The following SLC6A11 variants were observed in gnomAD, a reference collection of about 807,000 sequenced individuals.
The protein encoded by SLC6A11 is solute carrier family 6 member 11.
Under a neutral mutation model 74.8 loss-of-function variants are expected in SLC6A11, and 25 were observed. The observed-to-expected ratio is 0.33, with a 90% confidence interval of 0.24 to 0.47. The LOEUF is 0.47. Among genes scored for constraint, SLC6A11 ranks in the 20% least tolerant of loss-of-function variants. The pLI, the probability that SLC6A11 is intolerant of heterozygous loss-of-function variation, is 1.00. For synonymous variants in SLC6A11, 330 were observed against 330.2 expected (o/e 1.00, Z 0.01); for missense variants, 574 against 837.0 (o/e 0.69, Z 3.88).
Position 10,896,378 on chromosome 3 carries a change from C to A in SLC6A11, c.892-15712C>A, listed in dbSNP as rs113699755. Among the ~76,000 whole-genome samples, 477 of 152,352 alleles carry A rather than the reference C, an allele frequency of 3.1e-3. 5 individuals are homozygous for A. Among genetic ancestry groups the A allele is most frequent in the African/African-American group, 0.011 (462 of 41,580 alleles). On this transcript the variant is annotated intron_variant, in intron 6 of 13. Coordinates refer to ENST00000254488, the MANE Select transcript of SLC6A11 (RefSeq NM_014229.3). ...TACTGTGAGCCAGGTGCTCTGTGCA[C>A]ACTCTACAAACCTAGTCTCATTTTG...
rs767646133 is a variant in SLC6A11 at position 10,875,033 on chromosome 3, G to A, written c.829G>A (p.Gly277Arg). The A allele has an allele frequency of 5.0e-6, 8 of 1,612,952 alleles. No homozygotes were observed. Among genetic ancestry groups the A allele is most frequent in the African/African-American group, 1.3e-5 (1 of 74,834 alleles). Reference protein sequence around the residue: ...ILLIRGVTLPGASEGIKFYLY... With the variant: ...ILLIRGVTLPRASEGIKFYLY... ...CCTGATACGAGGGGTCACGTTGCCC[G>A]GGGCCTCAGAGGGCATCAAGTTCTA... The change falls in exon 6 of 14, where the codon GGG becomes AGG. Residue 277 changes from glycine (G) to arginine (R), a missense_variant. Gly to Arg is a moderately radical substitution (Grantham distance 125). This residue lies in a region of SLC6A11 where 215 missense variants were observed against 357.9 expected (regional missense o/e 0.60). Transcript: ENST00000254488.
At chr3:10,898,977 G>A (rs1695204213) in intron 6 of SLC6A11, among the ~76,000 whole-genome samples, 3 of 152,228 alleles carry the variant, frequency 2.0e-5, no homozygotes, top group Admixed American at 2.0e-4. Flanking sequence ...TCACATGGTG[G>A]CGGCAAGAGA....
At chr3:10,899,040 A>T (rs1264927067) in intron 6 of SLC6A11, among the ~76,000 whole-genome samples, 1 of 152,072 alleles carries the variant, frequency 6.6e-6, no homozygotes, top group African/African-American at 2.4e-5. Context: ...ATCAGATCTC[A>T]TGAGATTTAT....
intron 8 of SLC6A11, among the ~76,000 whole-genome samples, chr3:10,925,464 G>A (rs1695590843): frequency 6.6e-6 from 1 of 151,900 alleles, no homozygotes; most frequent in African/African-American, 2.4e-5. Context: ...AGTTCATCCC[G>A]AGGACACGTT....
At chr3:10,888,808 T>G (rs1045771849) in intron 6 of SLC6A11, among the ~76,000 whole-genome samples, 84 of 152,248 alleles carry the variant, frequency 5.5e-4, no homozygotes, top group Non-Finnish European at 4.9e-4. Context: ...TTTGTTAGAA[T>G]GCCCACCTTA....
rs3774103 is a variant in SLC6A11 at position 10,888,063 on chromosome 3, A to C, written c.891+12968A>C. Among the ~76,000 whole-genome samples the C allele has an allele frequency of 5.3e-5, 8 of 152,336 alleles. 1 individual carries two copies. The East Asian group carries it at 1.4e-3, about 26-fold the overall frequency. On this transcript the variant is annotated intron_variant, in intron 6 of 13. Coordinates refer to ENST00000254488, the MANE Select transcript of SLC6A11 (RefSeq NM_014229.3). ...GTAATTTCAGAAGATTACTCAGATAAGAGAGAGGCTCAGCAAAGCTCATCA... is the reference window on the plus strand; with the variant it reads ...GTAATTTCAGAAGATTACTCAGATACGAGAGAGGCTCAGCAAAGCTCATCA...
chr3:10,859,327 T>A (rs554776250), intron 5 of SLC6A11, among the ~76,000 whole-genome samples: 1 of 152,164 alleles, frequency 6.6e-6, no homozygotes, highest in Non-Finnish European at 1.5e-5. Context: ...CTGGCTTGAG[T>A]GCCCAGTGCT....
At chr3:10,855,795 C>T (rs564240903) in intron 5 of SLC6A11, among the ~76,000 whole-genome samples, 6 of 152,290 alleles carry the variant, frequency 3.9e-5, no homozygotes, top group East Asian at 3.9e-4. Context: ...GTTAATTTCC[C>T]GGAAGCAGGA....
Position 10,918,540 on chromosome 3 carries a change from C to A in SLC6A11, c.1120+87C>A. 1 of 1,446,794 alleles carries A rather than the reference C, an allele frequency of 6.9e-7. No homozygotes were observed. Among genetic ancestry groups the A allele is most frequent in the Non-Finnish European group, 9.3e-7 (1 of 1,072,608 alleles). 89.6% of individuals were successfully genotyped at this position (1,446,794 alleles called of 1,614,324 possible). Reference sequence around the variant, plus strand: ...ATGGAAATGCGATCTTCCTCCTCGGCTCACACATCTCCTGGATTCAGGCCT... The same window carrying A: ...ATGGAAATGCGATCTTCCTCCTCGGATCACACATCTCCTGGATTCAGGCCT... On this transcript the variant is annotated intron_variant, in intron 8 of 13. Coordinates refer to ENST00000254488, the MANE Select transcript of SLC6A11 (RefSeq NM_014229.3). This position sits in a 1 kb window ranked among gnomAD's most constrained non-coding sequence, Gnocchi z 4.5.
intron 4 of SLC6A11, among the ~76,000 whole-genome samples, chr3:10,843,134 C>T (rs927442263): frequency 3.3e-5 from 5 of 152,036 alleles, no homozygotes; most frequent in African/African-American, 7.2e-5. Flanking sequence ...CAATATGGAG[C>T]GTGGCGAGTT....
chr3:10,922,982 G>C (rs1365518760), intron 8 of SLC6A11, among the ~76,000 whole-genome samples: 3 of 152,054 alleles, frequency 2.0e-5, no homozygotes, highest in Admixed American at 1.3e-4. Context: ...TAGATAATTA[G>C]TCAGATTTTT....
intron 4 of SLC6A11, among the ~76,000 whole-genome samples, chr3:10,840,393 C>T (rs1313139279): frequency 1.3e-5 from 2 of 152,180 alleles, no homozygotes; most frequent in African/African-American, 4.8e-5. Flanking sequence ...GCACAAGGGT[C>T]TCCTGCTATG....
intron 6 of SLC6A11, among the ~76,000 whole-genome samples, chr3:10,909,109 CA>C (rs34230224): frequency 2.3e-3 from 244 of 104,010 alleles, no homozygotes; most frequent in Non-Finnish European, 2.7e-3. Context: ...ACATCCCCAG[CA>C]AAAAAAAAAA....
At chr3:10,849,914 G>C (rs1694552750) in intron 5 of SLC6A11, among the ~76,000 whole-genome samples, 1 of 151,194 alleles carries the variant, frequency 6.6e-6, no homozygotes, top group African/African-American at 2.4e-5. Context: ...TGTGGTTTTA[G>C]GGCCAAATCC....
chr3:10,928,573 A>G (rs755892400), intron 9 of SLC6A11, among the ~76,000 whole-genome samples: 1 of 152,202 alleles, frequency 6.6e-6, no homozygotes, highest in African/African-American at 2.4e-5. Flanking sequence ...ACAGATGCTT[A>G]GTGGCTCAGA....
intron 5 of SLC6A11, among the ~76,000 whole-genome samples, chr3:10,862,453 G>A (rs3774113): frequency 9.2e-5 from 14 of 152,052 alleles, no homozygotes; most frequent in Admixed American, 3.9e-4. Context: ...CTCCCTCATC[G>A]AGTGAATTTT....
chr3:10,883,427 G>A (rs934289709), intron 6 of SLC6A11, among the ~76,000 whole-genome samples: 1 of 152,118 alleles, frequency 6.6e-6, no homozygotes, highest in Non-Finnish European at 1.5e-5. Context: ...GAACAGAAAG[G>A]CCTGTCACAG....
intron 7 of SLC6A11, among the ~76,000 whole-genome samples, 200 bp downstream of exon 7, chr3:10,912,393 C>G (rs1416439972): frequency 6.6e-6 from 1 of 152,206 alleles, no homozygotes; most frequent in African/African-American, 2.4e-5. Context: ...GTCAGAGTCT[C>G]TCTCAGGCTG....
At chr3:10,846,452 G>A (rs1694504277) in intron 5 of SLC6A11, among the ~76,000 whole-genome samples, 2 of 152,200 alleles carry the variant, frequency 1.3e-5, no homozygotes, top group Non-Finnish European at 2.9e-5. Flanking sequence ...CAAGGTTTGT[G>A]TATGGACATG....
Sources: allele counts gnomAD v4.1 joint callset (sites outside exome capture counted in the v4.1 genomes callset), GRCh38; gene constraint gnomAD v4.1.1; regional missense constraint gnomAD v4.1.1; non-coding constraint Gnocchi (gnomAD v3.1); transcripts MANE v1.5; gene names NCBI Gene and HGNC (gene_info 2026-07-23, HGNC 2026-07-21).